ETNK1: variants seen among roughly 807,000 people sequenced by gnomAD.
ETNK1 encodes the protein ethanolamine kinase 1, also known as putative protein product of Nbla10396.
ETNK1 carries 8 observed loss-of-function variants against 45.1 expected under a neutral mutation model. The ratio of observed to expected loss-of-function variants is 0.18; its 90% CI spans 0.10 to 0.32. The LOEUF (loss-of-function observed/expected upper bound fraction) is 0.32. ETNK1 is among the 10% of genes least tolerant of loss of function. ETNK1 has a pLI of 1.00. For missense variants in ETNK1, 302 were observed against 430.6 expected, an observed-to-expected ratio of 0.70 and a Z score of 2.64; for synonymous variants, 152 against 151.9, an observed-to-expected ratio of 1.00 and a Z score of -0.01.
At chr12:22,676,230 A>G (rs1008104344) in intron 6 of ETNK1, among the ~76,000 whole-genome samples, 6 of 151,576 alleles carry the variant, frequency 4.0e-5, no homozygotes, top group Non-Finnish European at 7.4e-5. Context: ...TCATTATTCA[A>G]CTCCCACTTA....
intron 2 of ETNK1, among the ~76,000 whole-genome samples, chr12:22,654,289 A>G (rs1409830493): frequency 1.3e-5 from 2 of 152,256 alleles, no homozygotes; most frequent in Admixed American, 6.5e-5. Flanking sequence ...GTTATATAAA[A>G]GATAAAAAAG....
intron 1 of ETNK1, among the ~76,000 whole-genome samples, chr12:22,637,153 C>T (rs1412643068): frequency 6.6e-6 from 1 of 152,212 alleles, no homozygotes; most frequent in Non-Finnish European, 1.5e-5. Flanking sequence ...ACACAAGCTC[C>T]ATCTGGATTC....
At position 22,662,056 on chromosome 12, in the gene ETNK1, A is replaced by ACC. The variant is rs60368698; in HGVS notation, c.700+861_700+862dup. On this transcript the variant is annotated intron_variant, in intron 4 of 7. Coordinates refer to ENST00000266517, the MANE Select transcript of ETNK1 (RefSeq NM_018638.5). ...ATTTTATAGGAAACTAGTTCCCCGCACCCCCCCCCCCTTTTTTTTTCCTTT... is the reference window on the plus strand; with the variant it reads ...ATTTTATAGGAAACTAGTTCCCCGCACCCCCCCCCCCCCTTTTTTTTTCCTTT... Among the ~76,000 whole-genome samples the ACC allele has an allele frequency of 1.4e-4, 17 of 124,490 alleles. 1 individual carries two copies. Among genetic ancestry groups the ACC allele is most frequent in the African/African-American group, 5.2e-4 (15 of 28,862 alleles). 81.7% of individuals were successfully genotyped at this position (124,490 alleles called of 152,430 possible).
intron 1 of ETNK1, among the ~76,000 whole-genome samples, chr12:22,643,388 A>G (rs934133799): frequency 2.6e-5 from 4 of 152,004 alleles, no homozygotes; most frequent in Admixed American, 2.6e-4. Flanking sequence ...GTATGTGTAC[A>G]TTCCCTGTAT....
At chr12:22,625,626 C>G in intron 1 of ETNK1, 40 bp downstream of exon 1, 1 of 1,528,932 alleles carries the variant, frequency 6.5e-7, no homozygotes, top group African/African-American at 1.4e-5. Flanking sequence ...TTATGCCCCT[C>G]ACGCGGCTCT....
At chr12:22,626,671 T>C (rs139169396) in intron 1 of ETNK1, among the ~76,000 whole-genome samples, 261 of 152,274 alleles carry the variant, frequency 1.7e-3, no homozygotes, top group African/African-American at 6.1e-3. Flanking sequence ...TGGGTTTTCA[T>C]GTGTTAGTTT....
rs531038096 is a variant in ETNK1 at position 22,650,176 on chromosome 12, G to A, written c.416+6154G>A. 9.3e-5 allele frequency among the ~76,000 whole-genome samples: 14 copies of A among 151,276 alleles called. No individual in the cohort carries two copies. The South Asian group carries it at 1.5e-3, about 16-fold the overall frequency. Reference sequence around the variant, plus strand: ...CAAGCTTGCTATAATTGCTCATTCCGCGAGGTTTTTTTGGTCCATTCTTTT... The same window carrying A: ...CAAGCTTGCTATAATTGCTCATTCCACGAGGTTTTTTTGGTCCATTCTTTT... On this transcript the variant is annotated intron_variant, in intron 2 of 7. Coordinates refer to ENST00000266517, the MANE Select transcript of ETNK1 (RefSeq NM_018638.5).
chr12:22,663,847 T>C (rs1174197466), intron 4 of ETNK1, among the ~76,000 whole-genome samples: 2 of 152,050 alleles, frequency 1.3e-5, no homozygotes, highest in African/African-American at 4.8e-5. Context: ...ACAGAAATGT[T>C]CTGTTTTTTT....
At chr12:22,644,182 G>T in intron 2 of ETNK1, 160 bp downstream of exon 2, 3 of 1,557,192 alleles carry the variant, frequency 1.9e-6, no homozygotes, top group Non-Finnish European at 2.6e-6. Flanking sequence ...TCCCTAAAAA[G>T]ATAGAAGTAA....
chr12:22,664,586 G>A (rs1954036201), intron 4 of ETNK1, among the ~76,000 whole-genome samples: 2 of 152,058 alleles, frequency 1.3e-5, no homozygotes, highest in Admixed American at 6.6e-5. Flanking sequence ...TGAGATTGTA[G>A]CATAGCATTA....
intron 2 of ETNK1, chr12:22,656,449 G>A (rs1271390956): frequency 1.1e-5 from 11 of 985,196 alleles, no homozygotes; most frequent in Admixed American, 1.2e-4. Context: ...GAGCAGAAAC[G>A]GCTTAGTTCT....
In ETNK1 at chr12:22,690,279, G is replaced by A. The variant is rs1954292965; in HGVS notation, c.*5325G>A. 6.6e-6 allele frequency: 1 copy of A among 152,428 alleles called. No individual in the cohort carries two copies. The highest frequency in any genetic ancestry group is 1.5e-5 in the Non-Finnish European group (1 of 67,896). 9.4% of individuals were successfully genotyped at this position (152,428 alleles called of 1,614,324 possible). A position where few individuals can be genotyped will look rare whatever the true frequency, so the allele number is the denominator to read the frequency against. On this transcript the variant is annotated 3_prime_UTR_variant, in exon 8 of 8. Transcript: ENST00000266517. ...TTTTGCTATGCCTCAGAAAATATCT[G>A]TCTGAGAATTTGTTAATCTGTTTGA...
At chr12:22,650,237 C>G (rs1953857804) in intron 2 of ETNK1, among the ~76,000 whole-genome samples, 2 of 151,212 alleles carry the variant, frequency 1.3e-5, no homozygotes, top group South Asian at 4.2e-4. Flanking sequence ...TATCTATGAA[C>G]AAAGACAGTT....
chr12:22,640,464 T>C (rs891863901), intron 1 of ETNK1, among the ~76,000 whole-genome samples: 1 of 151,908 alleles, frequency 6.6e-6, no homozygotes, highest in Non-Finnish European at 1.5e-5. Flanking sequence ...TTTAGCTATT[T>C]GGATTTAAGC....
At chr12:22,657,299 G>C (rs1315329782) in intron 2 of ETNK1, among the ~76,000 whole-genome samples, 1 of 152,066 alleles carries the variant, frequency 6.6e-6, no homozygotes. Flanking sequence ...TATATAAAAA[G>C]GTTATGGATT....
At chr12:22,639,362 A>G (rs1181426499) in intron 1 of ETNK1, among the ~76,000 whole-genome samples, 5 of 151,898 alleles carry the variant, frequency 3.3e-5, no homozygotes, top group East Asian at 1.9e-4. Flanking sequence ...GTGTTTCTTT[A>G]ACCCCTATAT....
intron 4 of ETNK1, among the ~76,000 whole-genome samples, chr12:22,661,514 T>G (rs1469723996): frequency 6.6e-6 from 1 of 152,194 alleles, no homozygotes; most frequent in Non-Finnish European, 1.5e-5. Context: ...ATTTGGTTAT[T>G]CATGAGTTGA....
chr12:22,652,512 A>G (rs983030788), intron 2 of ETNK1, among the ~76,000 whole-genome samples: 3 of 152,158 alleles, frequency 2.0e-5, no homozygotes, highest in Non-Finnish European at 4.4e-5. Flanking sequence ...CATTCTTACC[A>G]ATAGTTATTT....
Position 22,632,571 on chromosome 12 carries a change from G to A in ETNK1, c.156+6985G>A, listed in dbSNP as rs559709505. ...GTTATCCAGGCTAGAGTGCAGTGATGCTATCATAGCTCACTGCAGCCTTGT... is the reference window on the plus strand; with the variant it reads ...GTTATCCAGGCTAGAGTGCAGTGATACTATCATAGCTCACTGCAGCCTTGT... On this transcript the variant is annotated intron_variant, in intron 1 of 7. Transcript: ENST00000266517. Among the ~76,000 whole-genome samples, 3 of 151,778 alleles carry A rather than the reference G, an allele frequency of 2.0e-5. No individual in the cohort carries two copies. The South Asian group carries it at 6.3e-4, about 32-fold the overall frequency.
Sources: gnomAD v4.1 joint callset for allele counts (sites outside exome capture counted in the v4.1 genomes callset) on GRCh38, gnomAD v4.1.1 for gene constraint, MANE v1.5 for transcripts, NCBI Gene and HGNC (gene_info 2026-07-23, HGNC 2026-07-21) for gene names.